PHACTR2: variants seen among roughly 807,000 people sequenced by gnomAD.
The protein encoded by PHACTR2 is phosphatase and actin regulator 2.
PHACTR2 carries 30 observed loss-of-function variants against 76.0 expected under a neutral mutation model. That is an observed-to-expected ratio of 0.39 (90% CI 0.30 to 0.54). The LOEUF (loss-of-function observed/expected upper bound fraction) is 0.54, where lower values mean the gene tolerates loss of function less well. PHACTR2 is among the 20% of genes least tolerant of loss of function. PHACTR2 has a pLI of 0.61. For missense variants in PHACTR2, 696 were observed against 781.1 expected (o/e 0.89, Z 1.30); for synonymous variants, 292 against 292.5 (o/e 1.00, Z 0.02).
chr6:143,766,704 C>G (rs1779570444), intron 6 of PHACTR2, among the ~76,000 whole-genome samples: 1 of 152,208 alleles, frequency 6.6e-6, no homozygotes, highest in Non-Finnish European at 1.5e-5. Context: ...TTACCACCAC[C>G]CAGTTGCCCA....
In PHACTR2 at chr6:143,624,711, C is replaced by T. The variant is rs9496712; in HGVS notation, c.13+16389C>T. 6.6e-6 allele frequency among the ~76,000 whole-genome samples: 1 copy of T among 151,796 alleles called. No homozygotes were observed. On this transcript the variant is annotated intron_variant, in intron 1 of 11. Transcript: ENST00000305766. The surrounding 1 kb of genome is among the most constrained non-coding windows in gnomAD (Gnocchi z 4.6). The stretch of plus-strand genomic sequence containing the variant: ...CTCCAGGCCTAAAGCTGGAACCCCA[C>T]GGTTGCCCTGGATCAGCTGAGGTGG...
chr6:143,745,103 C>G (rs916425769), intron 2 of PHACTR2, among the ~76,000 whole-genome samples: 3 of 152,202 alleles, frequency 2.0e-5, no homozygotes, highest in African/African-American at 7.2e-5. Flanking sequence ...AGCGTCTTCC[C>G]TGGCAGTATC....
intron 1 of PHACTR2, among the ~76,000 whole-genome samples, chr6:143,563,815 G>C (rs1217920375): frequency 6.8e-6 from 1 of 147,284 alleles, no homozygotes; most frequent in African/African-American, 2.5e-5. Flanking sequence ...GGGCAACATG[G>C]TGAAACCCTG....
chr6:143,574,677 T>C (rs542985202), intron 1 of PHACTR2, among the ~76,000 whole-genome samples: 8 of 122,164 alleles, frequency 6.5e-5, no homozygotes, highest in African/African-American at 2.6e-4. Flanking sequence ...TACTTTTATA[T>C]TCTTTTGATG....
intron 2 of PHACTR2, among the ~76,000 whole-genome samples, chr6:143,720,096 G>A (rs1277049476): frequency 3.3e-5 from 5 of 152,136 alleles, no homozygotes; most frequent in South Asian, 2.1e-4. Context: ...ATAAGTGTGC[G>A]CCACTGTGCC....
chr6:143,752,814 C>T (rs1431222581), intron 3 of PHACTR2, among the ~76,000 whole-genome samples: 2 of 152,050 alleles, frequency 1.3e-5, no homozygotes, highest in East Asian at 1.9e-4. Flanking sequence ...TTGCTCAAAC[C>T]TTCCATTTGT....
Position 143,592,035 on chromosome 6 carries a change from A to C in PHACTR2, c.217+54828A>C, listed in dbSNP as rs1582687738. On this transcript the variant is annotated intron_variant, in intron 1 of 11. Coordinates refer to the PHACTR2 transcript ENST00000367584. The surrounding 1 kb of genome is among the most constrained non-coding windows in gnomAD (Gnocchi z 4.0). ...GTGCATTTGTGGATATGAGAGGTGC[A>C]TGCAGACTCTGACACAATGGGACAG... Among the ~76,000 whole-genome samples the C allele has an allele frequency of 6.6e-6, 1 of 152,154 alleles. No homozygotes were observed. Among genetic ancestry groups the C allele is most frequent in the African/African-American group, 2.4e-5 (1 of 41,440 alleles).
rs1038988668 is a variant in PHACTR2 at position 143,554,402 on chromosome 6, T to A, written c.217+17195T>A. 3 of 152,148 alleles carry A rather than the reference T, an allele frequency of 2.0e-5. No homozygotes were observed. The highest frequency in any genetic ancestry group is 2.1e-4 in the South Asian group (1 of 4,820). The allele number at this position is 152,148 out of a possible 1,614,324, so 9.4% of individuals were successfully genotyped here. Reference sequence around the variant, plus strand: ...GGGACCACTGCTATCGATTTTGTAGTCGGGGAGTGGGATTGGGCTCAACTC... The same window carrying A: ...GGGACCACTGCTATCGATTTTGTAGACGGGGAGTGGGATTGGGCTCAACTC... On this transcript the variant is annotated intron_variant, in intron 1 of 11. Coordinates refer to the PHACTR2 transcript ENST00000367584. This position sits in a 1 kb window ranked among gnomAD's most constrained non-coding sequence, Gnocchi z 5.9.
In PHACTR2 at chr6:143,648,891, TG is replaced by T. The variant is rs1776706338; in HGVS notation, c.13+40570del. Among the ~76,000 whole-genome samples, 1 of 40,420 alleles carries T rather than the reference TG, an allele frequency of 2.5e-5. No individual in the cohort carries two copies. Among genetic ancestry groups the T allele is most frequent in the Non-Finnish European group, 5.6e-5 (1 of 17,884 alleles). 26.5% of individuals were successfully genotyped at this position (40,420 alleles called of 152,430 possible). On this transcript the variant is annotated intron_variant, in intron 1 of 11. Transcript: ENST00000305766. The surrounding 1 kb of genome is among the most constrained non-coding windows in gnomAD (Gnocchi z 6.7). ...CTATGCATATGTGTCTATGTATGTT[TG>T]TGTGTGTGTGTGTGTCTGTCTGGGT... is the stretch of plus-strand genomic sequence containing the variant.
At chr6:143,540,162 A>T (rs1365583548) in intron 1 of PHACTR2, among the ~76,000 whole-genome samples, 2 of 152,108 alleles carry the variant, frequency 1.3e-5, no homozygotes, top group Non-Finnish European at 2.9e-5. Context: ...CCTATTTTTG[A>T]TTCCAGCTAG....
chr6:143,544,259 A>AAGGG (rs1210026450), intron 1 of PHACTR2, among the ~76,000 whole-genome samples: 1 of 152,252 alleles, frequency 6.6e-6, no homozygotes, highest in East Asian at 1.9e-4. Flanking sequence ...AGTGGGAAGG[A>AAGGG]AGGAAGGCGG....
intron 12 of PHACTR2, among the ~76,000 whole-genome samples, chr6:143,810,824 C>T (rs1455499148): frequency 6.6e-6 from 1 of 150,390 alleles, no homozygotes; most frequent in African/African-American, 2.5e-5. Flanking sequence ...AAAGTGAGAC[C>T]CTGTCTCAAA....
In PHACTR2 at chr6:143,707,875, AG is replaced by A. The variant is rs1158131038; in HGVS notation, c.47-4137del. Among the ~76,000 whole-genome samples the A allele has an allele frequency of 2.0e-5, 3 of 152,282 alleles. No homozygotes were observed. The East Asian group carries it at 5.8e-4, about 29-fold the overall frequency. On this transcript the variant is annotated intron_variant, in intron 1 of 12. Transcript: ENST00000440869. ...ACTTATAATCATGGCACGTGAGTGAAGGGGAAGCAAGCTTGTCTTATATGGC... is the reference window on the plus strand; with the variant it reads ...ACTTATAATCATGGCACGTGAGTGAAGGGAAGCAAGCTTGTCTTATATGGC...
At position 143,561,985 on chromosome 6, in the gene PHACTR2, C is replaced by T. The variant is rs1775283991; in HGVS notation, c.217+24778C>T. 1.3e-5 allele frequency: 2 copies of T among 152,206 alleles called. No homozygotes were observed. The highest frequency in any genetic ancestry group is 6.5e-5 in the Admixed American group (1 of 15,272). 9.4% of individuals were successfully genotyped at this position (152,206 alleles called of 1,614,324 possible). A position where few individuals can be genotyped will look rare whatever the true frequency, so the allele number is the denominator to read the frequency against. On this transcript the variant is annotated intron_variant, in intron 1 of 11. Transcript: ENST00000367584. The surrounding 1 kb of genome is among the most constrained non-coding windows in gnomAD (Gnocchi z 4.1). Reference sequence around the variant, plus strand: ...CCCCATGTCTTGACATGAGTGGTTCCTTTGCTTGGAGGGCCTCCTGTCTCT... The same window carrying T: ...CCCCATGTCTTGACATGAGTGGTTCTTTTGCTTGGAGGGCCTCCTGTCTCT...
In PHACTR2 at chr6:143,822,380, C is replaced by A. The variant is rs1349668907; in HGVS notation, c.1923-1294C>A. Among the ~76,000 whole-genome samples the A allele has an allele frequency of 6.6e-6, 1 of 152,060 alleles. No homozygotes were observed. The highest frequency in any genetic ancestry group is 2.4e-5 in the African/African-American group (1 of 41,394). The stretch of plus-strand genomic sequence containing the variant: ...ACAATACGATCCTTTTGAGAAAGAA[C>A]TGGGTTGGGCGCAGTGGCTCGTACC... On this transcript the variant is annotated intron_variant, in intron 12 of 12. Transcript: ENST00000440869. This position sits in a 1 kb window ranked among gnomAD's most constrained non-coding sequence, Gnocchi z 5.5.
In PHACTR2 at chr6:143,616,722, G is replaced by A. The variant is rs1322592796; in HGVS notation, c.13+8400G>A. On this transcript the variant is annotated intron_variant, in intron 1 of 11. Coordinates refer to the PHACTR2 transcript ENST00000305766. This position sits in a 1 kb window ranked among gnomAD's most constrained non-coding sequence, Gnocchi z 4.9. ...TTGGGGTTGTGATCAGTGCTGCTAA[G>A]TTAATCAACTGGTATTTGGATAAGG... Among the ~76,000 whole-genome samples the A allele has an allele frequency of 6.6e-6, 1 of 152,322 alleles. No individual in the cohort carries two copies. Among genetic ancestry groups the A allele is most frequent in the East Asian group, 1.9e-4 (1 of 5,188 alleles).
chr6:143,631,248 T>C (rs1250267784), intron 1 of PHACTR2, among the ~76,000 whole-genome samples: 1 of 152,132 alleles, frequency 6.6e-6, no homozygotes, highest in Non-Finnish European at 1.5e-5. Flanking sequence ...TGGAGTGCAG[T>C]GGTATAATCA....
intron 1 of PHACTR2, among the ~76,000 whole-genome samples, chr6:143,632,113 T>C (rs936311851): frequency 1.3e-5 from 2 of 152,058 alleles, no homozygotes; most frequent in Non-Finnish European, 2.9e-5. Flanking sequence ...AGATGGTCAA[T>C]TTGCATTGTT....
chr6:143,743,521 T>A lies in PHACTR2; in HGVS notation c.215-5464T>A, dbSNP rs913350524. On this transcript the variant is annotated intron_variant, in intron 2 of 12. Transcript: ENST00000440869. The surrounding 1 kb of genome is among the most constrained non-coding windows in gnomAD (Gnocchi z 5.0). ...TACATTCTTGGGATGTTTTGGAAGGTTTTTGCAAATGTCCTGTTGGGTGGC... is the reference window on the plus strand; with the variant it reads ...TACATTCTTGGGATGTTTTGGAAGGATTTTGCAAATGTCCTGTTGGGTGGC... Among the ~76,000 whole-genome samples, 1 of 152,126 alleles carries A rather than the reference T, an allele frequency of 6.6e-6. No individual in the cohort carries two copies. Among genetic ancestry groups the A allele is most frequent in the Non-Finnish European group, 1.5e-5 (1 of 68,006 alleles).
Sources: allele counts gnomAD v4.1 joint callset (sites outside exome capture counted in the v4.1 genomes callset), GRCh38; gene constraint gnomAD v4.1.1; non-coding constraint Gnocchi (gnomAD v3.1); transcripts MANE v1.5; gene names NCBI Gene and HGNC (gene_info 2026-07-23, HGNC 2026-07-21).